The following NXPH1 variants were observed in gnomAD, a reference collection of about 807,000 sequenced individuals.
NXPH1 encodes neurexophilin-1.
NXPH1 carries 5 observed loss-of-function variants against 23.7 expected under a neutral mutation model. The ratio of observed to expected loss-of-function variants is 0.21; its 90% confidence interval spans 0.11 to 0.44. The LOEUF (loss-of-function observed/expected upper bound fraction) is 0.44, where lower values mean the gene tolerates loss of function less well. Among genes scored for constraint, NXPH1 ranks in the 20% least tolerant of loss-of-function variants. NXPH1 has a pLI of 0.99. For synonymous variants in NXPH1, 144 were observed against 122.2 expected, an observed-to-expected ratio of 1.18 and a Z score of -1.18; for missense variants, 324 against 321.6, an observed-to-expected ratio of 1.01 and a Z score of -0.06.
chr7:8,607,084 T>A (rs570749648), intron 2 of NXPH1, among the ~76,000 whole-genome samples: 6 of 152,258 alleles, frequency 3.9e-5, no homozygotes, highest in African/African-American at 1.4e-4. Flanking sequence ...ACGGTTGGAC[T>A]CATATATATC....
intron 2 of NXPH1, among the ~76,000 whole-genome samples, chr7:8,672,520 C>A (rs1290694555): frequency 6.6e-6 from 1 of 151,580 alleles, no homozygotes; most frequent in African/African-American, 2.4e-5. Flanking sequence ...TAAAATGAAA[C>A]CCCTAGGGGA....
intron 2 of NXPH1, among the ~76,000 whole-genome samples, chr7:8,649,627 T>C (rs183351252): frequency 7.2e-5 from 11 of 152,332 alleles, no homozygotes; most frequent in Non-Finnish European, 7.4e-5. Context: ...CCAAGTCTAT[T>C]GCAAGTGACC....
chr7:8,542,917 C>T (rs1818142719), intron 2 of NXPH1, among the ~76,000 whole-genome samples: 2 of 151,664 alleles, frequency 1.3e-5, no homozygotes, highest in South Asian at 2.1e-4. Context: ...AATTAGGAGA[C>T]TTTGAGATCT....
intron 2 of NXPH1, among the ~76,000 whole-genome samples, chr7:8,489,752 C>T (rs1279574181): frequency 6.6e-6 from 1 of 152,076 alleles, no homozygotes; most frequent in Non-Finnish European, 1.5e-5. Flanking sequence ...AAAGGACCTG[C>T]CTTAACATAC....
At chr7:8,463,716 A>T (rs1274552725) in intron 2 of NXPH1, among the ~76,000 whole-genome samples, 1 of 152,110 alleles carries the variant, frequency 6.6e-6, no homozygotes, top group Non-Finnish European at 1.5e-5. Context: ...AAGGCCATTT[A>T]TATTGCTTTG....
chr7:8,461,651 A>T (rs996043890), intron 2 of NXPH1, among the ~76,000 whole-genome samples: 2 of 150,236 alleles, frequency 1.3e-5, no homozygotes, highest in Non-Finnish European at 3.0e-5. Context: ...TAACAAGGTG[A>T]AACCCCGTCT....
intron 2 of NXPH1, among the ~76,000 whole-genome samples, chr7:8,743,295 T>C (rs1222218902): frequency 1.3e-5 from 2 of 152,276 alleles, no homozygotes; most frequent in African/African-American, 2.4e-5. Flanking sequence ...AACAGTAAAA[T>C]ATGCAGGTTG....
intron 2 of NXPH1, among the ~76,000 whole-genome samples, chr7:8,628,949 G>T (rs1308129325): frequency 6.6e-6 from 1 of 150,900 alleles, no homozygotes; most frequent in Non-Finnish European, 1.5e-5. Flanking sequence ...AATGAGATTG[G>T]TCAAGGCCAC....
At chr7:8,644,040 TGTG>T (rs1466234742) in intron 2 of NXPH1, among the ~76,000 whole-genome samples, 1 of 152,200 alleles carries the variant, frequency 6.6e-6, no homozygotes, top group East Asian at 1.9e-4. Context: ...ATTAGAGAAA[TGTG>T]GTGTGTTCCA....
chr7:8,471,754 TA>T (rs1222287215), intron 2 of NXPH1, among the ~76,000 whole-genome samples: 1 of 152,192 alleles, frequency 6.6e-6, no homozygotes, highest in Non-Finnish European at 1.5e-5. Flanking sequence ...ACAAGTACGC[TA>T]TTACTCTTAC....
chr7:8,730,684 C>T lies in NXPH1; in HGVS notation c.55-20324C>T, dbSNP rs188875851. Among the ~76,000 whole-genome samples the T allele has an allele frequency of 1.6e-4, 24 of 152,316 alleles. No homozygotes were observed. In the East Asian group the frequency reaches 3.1e-3, roughly 20 times the overall value. On this transcript the variant is annotated intron_variant, in intron 2 of 2. Transcript: ENST00000405863. ...AATATTGGCCCCCACTCTCTTCTGG[C>T]TTGCGGAGTTTCTGCCGAGAGATCC...
chr7:8,719,706 C>G (rs921813585), intron 2 of NXPH1, among the ~76,000 whole-genome samples: 2 of 152,148 alleles, frequency 1.3e-5, no homozygotes, highest in East Asian at 3.9e-4. Flanking sequence ...AATCTAGGCT[C>G]TTACCACTAT....
At chr7:8,699,148 C>T (rs1779581882) in intron 2 of NXPH1, among the ~76,000 whole-genome samples, 1 of 152,008 alleles carries the variant, frequency 6.6e-6, no homozygotes, top group Non-Finnish European at 1.5e-5. Flanking sequence ...CACTCAGATC[C>T]AGTTGTTGAG....
intron 2 of NXPH1, among the ~76,000 whole-genome samples, chr7:8,592,058 G>T (rs1029017458): frequency 3.3e-5 from 5 of 151,834 alleles, no homozygotes; most frequent in Admixed American, 3.3e-4. Context: ...AATCTGGAGA[G>T]GCGAAAGATT....
chr7:8,718,615 G>A (rs1238349734), intron 2 of NXPH1, among the ~76,000 whole-genome samples: 1 of 152,176 alleles, frequency 6.6e-6, no homozygotes, highest in East Asian at 1.9e-4. Context: ...CAGGGGGCAA[G>A]AGTTAATAGG....
chr7:8,731,001 T>G, intron 2 of NXPH1, among the ~76,000 whole-genome samples: 1 of 144,948 alleles, frequency 6.9e-6, no homozygotes. Flanking sequence ...ATTTGGTCTT[T>G]TCACATAGTT....
At chr7:8,704,065 G>C (rs568658562) in intron 2 of NXPH1, among the ~76,000 whole-genome samples, 1 of 152,252 alleles carries the variant, frequency 6.6e-6, no homozygotes, top group African/African-American at 2.4e-5. Flanking sequence ...CTAAGGAGGA[G>C]ATATGTAATG....
chr7:8,615,270 G>C (rs1306093774), intron 2 of NXPH1, among the ~76,000 whole-genome samples: 1 of 152,060 alleles, frequency 6.6e-6, no homozygotes, highest in African/African-American at 2.4e-5. Context: ...GCAGGAGGCA[G>C]TGCGCATGGT....
chr7:8,510,699 T>C (rs1024741815), intron 2 of NXPH1, among the ~76,000 whole-genome samples: 1 of 152,122 alleles, frequency 6.6e-6, no homozygotes, highest in Non-Finnish European at 1.5e-5. Flanking sequence ...AATAGGTAAC[T>C]TTTAAAAATA....
Sources: allele counts gnomAD v4.1 joint callset (sites outside exome capture counted in the v4.1 genomes callset), GRCh38; gene constraint gnomAD v4.1.1; transcripts MANE v1.5; gene names NCBI Gene and HGNC (gene_info 2026-07-23, HGNC 2026-07-21).